Variants in PET117 observed in about 807,000 individuals in gnomAD.
PET117 encodes the protein PET117 cytochrome c oxidase chaperone, also known as protein PET117 homolog, mitochondrial.
In PET117, 10 loss-of-function variants were observed where a neutral mutation model predicts 9.2. The ratio of observed to expected loss-of-function variants is 1.09; its 90% CI spans 0.67 to 1.85. The LOEUF (loss-of-function observed/expected upper bound fraction) is 1.85. PET117 is among the 40% of genes most tolerant of loss of function. PET117 has a pLI of 0.00. For synonymous variants in PET117, 43 were observed against 37.1 expected, an observed-to-expected ratio of 1.16 and a Z score of -0.57; for missense variants, 96 against 98.2, an observed-to-expected ratio of 0.98 and a Z score of 0.09.
chr20:18,141,790 C>T (rs992409193), intron 1 of PET117, among the ~76,000 whole-genome samples: 1 of 152,036 alleles, frequency 6.6e-6, no homozygotes, highest in Non-Finnish European at 1.5e-5. Flanking sequence ...AGGCTGAGGC[C>T]GGAGAATCAC....
chr20:18,141,033 TTTTTTTTTTTTTTATTTTTA>T (rs1212022502), intron 1 of PET117, among the ~76,000 whole-genome samples: 43 of 18,372 alleles, frequency 2.3e-3, no homozygotes, highest in African/African-American at 5.2e-3. Context: ...ATTTTTTTTT[TTTTTTTTTTTTTTATTTTTA>T]TTTTTGCTAG....
chr20:18,142,438 A>C lies in PET117; in HGVS notation c.*81A>C. On this transcript the variant is annotated 3_prime_UTR_variant, in exon 2 of 2. Transcript: ENST00000432901. Reference sequence around the variant, plus strand: ...TGGAGAGTAGCTTAGTAGTATCTTCATCTTTTTTTTTGGTCACTGTCCTTT... The same window carrying C: ...TGGAGAGTAGCTTAGTAGTATCTTCCTCTTTTTTTTTGGTCACTGTCCTTT... 1 of 1,421,116 alleles carries C rather than the reference A, an allele frequency of 7.0e-7. No individual in the cohort carries two copies. The allele number at this position is 1,421,116 out of a possible 1,614,324, so 88.0% of individuals were successfully genotyped here. A position where few individuals can be genotyped will look rare whatever the true frequency, so the allele number is the denominator to read the frequency against.
chr20:18,141,805 A>G (rs1208345331), intron 1 of PET117, among the ~76,000 whole-genome samples: 1 of 152,040 alleles, frequency 6.6e-6, no homozygotes, highest in African/African-American at 2.4e-5. Context: ...AATCACTTGA[A>G]CCCAGGAGGT....
In PET117 at chr20:18,142,334, G is replaced by T. The variant is rs1013719349; in HGVS notation, c.223G>T (p.Ala75Ser). ...AGCAGAAAGAGAGAAGATGTTATTG[G>T]CAAAAGGATCTCAAAAATCATGACT... ...LEAEREKMLL[A>S]KGSQKS Residue 75 changes from alanine to serine, a missense_variant, in exon 2 of 2, where the codon GCA becomes TCA. Ala to Ser is a moderately conservative substitution (Grantham distance 99, BLOSUM62 1). Transcript: ENST00000432901. The T allele has an allele frequency of 6.5e-7, 1 of 1,536,398 alleles. No individual in the cohort carries two copies. The highest frequency in any genetic ancestry group is 8.7e-7 in the Non-Finnish European group (1 of 1,146,356).
intron 1 of PET117, among the ~76,000 whole-genome samples, chr20:18,141,767 T>C (rs1448003406): frequency 6.6e-6 from 1 of 152,038 alleles, no homozygotes; most frequent in African/African-American, 2.4e-5. Flanking sequence ...GCCTGTAGTC[T>C]CAGCTACTCG....
At chr20:18,138,153 C>T (rs1049871177) in intron 1 of PET117, 102 bp downstream of exon 1, 26 of 1,339,490 alleles carry the variant, frequency 1.9e-5, no homozygotes, top group Middle Eastern at 3.9e-4. Flanking sequence ...CTCTTCGTGT[C>T]TTTCCCCCGC....
chr20:18,138,211 CGCT>C, intron 1 of PET117, 160 bp downstream of exon 1: 3 of 1,269,028 alleles, frequency 2.4e-6, no homozygotes, highest in Non-Finnish European at 3.0e-6. Flanking sequence ...GGCCGGCGGC[CGCT>C]CTGCTGGGCT....
At position 18,137,874 on chromosome 20, in the gene PET117, G is replaced by A. The variant is rs1017064495; in HGVS notation, c.-82G>A. The A allele has an allele frequency of 1.5e-6, 2 of 1,371,356 alleles. No individual in the cohort carries two copies. 84.9% of individuals were successfully genotyped at this position (1,371,356 alleles called of 1,614,324 possible). A position where few individuals can be genotyped will look rare whatever the true frequency, so the allele number is the denominator to read the frequency against. On this transcript the variant is annotated 5_prime_UTR_variant, in exon 1 of 2. Coordinates refer to ENST00000432901, the MANE Select transcript of PET117 (RefSeq NM_001164811.2). ...GCGCTCGAGGGGTCGAGCCTGGGCA[G>A]TACAGGCGGCGGTGCGCACTCTGCG...
intron 1 of PET117, among the ~76,000 whole-genome samples, chr20:18,140,818 C>CAAAAAA (rs1157203058): frequency 1.3e-5 from 1 of 79,064 alleles, no homozygotes; most frequent in African/African-American, 5.1e-5. Context: ...GACTCCTTCT[C>CAAAAAA]AAAAAAAAAA....
Position 18,137,881 on chromosome 20 carries a change from C to A in PET117, c.-75C>A. 2.2e-6 allele frequency: 3 copies of A among 1,385,836 alleles called. No individual in the cohort carries two copies. Among genetic ancestry groups the A allele is most frequent in the East Asian group, 3.0e-5 (1 of 33,354 alleles). 85.8% of individuals were successfully genotyped at this position (1,385,836 alleles called of 1,614,324 possible). ...AGGGGTCGAGCCTGGGCAGTACAGG[C>A]GGCGGTGCGCACTCTGCGGCGGCCT... On this transcript the variant is annotated 5_prime_UTR_variant, in exon 1 of 2. Coordinates refer to ENST00000432901, the MANE Select transcript of PET117 (RefSeq NM_001164811.2).
rs2037637540 is a variant in PET117 at position 18,142,798 on chromosome 20, A to G, written c.*441A>G. 6.2e-7 allele frequency: 1 copy of G among 1,614,118 alleles called. No individual in the cohort carries two copies. The highest frequency in any genetic ancestry group is 8.5e-7 in the Non-Finnish European group (1 of 1,180,058). ...TGATCGTCGAATCCGAGGATCAGGC[A>G]TCAGTGGACTTATCGCACGACCAGA... On this transcript the variant is annotated 3_prime_UTR_variant, in exon 2 of 2. Transcript: ENST00000432901.
At chr20:18,138,328 C>T in intron 1 of PET117, 1 of 1,139,522 alleles carries the variant, frequency 8.8e-7, no homozygotes, top group Non-Finnish European at 1.1e-6. Flanking sequence ...GGGCCTTGCT[C>T]CGCACAGGCA....
chr20:18,139,675 T>TGTGTGTGTGTGTG (rs1568660988), intron 1 of PET117, among the ~76,000 whole-genome samples: 6 of 103,816 alleles, frequency 5.8e-5, no homozygotes, highest in Non-Finnish European at 6.7e-5. Flanking sequence ...TGTGTGTGTG[T>TGTGTGTGTGTGTG]TTATTTTTTT....
intron 1 of PET117, 146 bp from the exon 2 acceptor site, chr20:18,142,062 G>A: frequency 2.5e-6 from 2 of 803,996 alleles, no homozygotes; most frequent in Non-Finnish European, 3.7e-6. Context: ...TTTTACATTT[G>A]TACAGAAAAT....
chr20:18,139,349 G>A (rs990696669), intron 1 of PET117, among the ~76,000 whole-genome samples: 6 of 152,180 alleles, frequency 3.9e-5, no homozygotes, highest in African/African-American at 1.4e-4. Context: ...TATGACAGAT[G>A]ATCTGACGTC....
At chr20:18,139,858 CTT>C (rs2037462585) in intron 1 of PET117, among the ~76,000 whole-genome samples, 1 of 152,070 alleles carries the variant, frequency 6.6e-6, no homozygotes. Flanking sequence ...GTATTAAGCA[CTT>C]TATGTATATC....
At chr20:18,139,782 G>A (rs779461443) in intron 1 of PET117, among the ~76,000 whole-genome samples, 2 of 152,068 alleles carry the variant, frequency 1.3e-5, no homozygotes, top group South Asian at 4.1e-4. Flanking sequence ...GTGTCGGAAG[G>A]TTCAAGGAAG....
In PET117 at chr20:18,140,837, C is replaced by CA. The variant is rs1359692922; in HGVS notation, c.97-1371_97-1370insA. On this transcript the variant is annotated intron_variant, in intron 1 of 1. Coordinates refer to ENST00000432901, the MANE Select transcript of PET117 (RefSeq NM_001164811.2). ...CCTTCTCAAAAAAAAAAAAAAAAAA[C>CA]CAATAAAACAAAACAAAAAAAACCC... Among the ~76,000 whole-genome samples, 11 of 125,204 alleles carry CA rather than the reference C, an allele frequency of 8.8e-5. No individual in the cohort carries two copies. In the Admixed American group the frequency reaches 9.2e-4, roughly 10 times the overall value. The allele number at this position is 125,204 out of a possible 152,430, so 82.1% of individuals were successfully genotyped here.
chr20:18,141,034 TTTTTTTTTTTTTATTTTTA>T (rs2037537587), intron 1 of PET117, among the ~76,000 whole-genome samples: 1 of 19,126 alleles, frequency 5.2e-5, no homozygotes, highest in African/African-American at 1.3e-4. Context: ...TTTTTTTTTT[TTTTTTTTTTTTTATTTTTA>T]TTTTTGCTAG....
Sources: gnomAD v4.1 joint callset for allele counts (sites outside exome capture counted in the v4.1 genomes callset) on GRCh38, gnomAD v4.1.1 for gene constraint, MANE v1.5 for transcripts, NCBI Gene and HGNC (gene_info 2026-07-23, HGNC 2026-07-21) for gene names.